The following MYO1D variants were observed in gnomAD, a reference collection of about 807,000 sequenced individuals.
MYO1D encodes the protein myosin ID.
MYO1D carries 83 observed loss-of-function variants against 122.0 expected under a neutral mutation model. The ratio of observed to expected loss-of-function variants is 0.68; its 90% confidence interval spans 0.57 to 0.82. The LOEUF (loss-of-function observed/expected upper bound fraction) is 0.82, where lower values mean the gene tolerates loss of function less well. Ranked by LOEUF, MYO1D falls within the 40% of genes least tolerant of loss-of-function variation. The pLI is 0.00. For missense variants in MYO1D, 1,157 were observed against 1,269.5 expected, an observed-to-expected ratio of 0.91 and a Z score of 1.35; for synonymous variants, 464 against 446.9, an observed-to-expected ratio of 1.04 and a Z score of -0.48.
rs548433252 is a variant in MYO1D, at chr17:32,821,772, T to C, written c.96-40988A>G. Among the ~76,000 whole-genome samples the C allele has an allele frequency of 3.9e-5, 6 of 152,354 alleles. No homozygotes were observed. The East Asian group carries it at 1.2e-3, about 29-fold the overall frequency. On this transcript the variant is annotated intron_variant, in intron 1 of 21. Coordinates refer to ENST00000318217, the MANE Select transcript of MYO1D (RefSeq NM_015194.3). Reference sequence around the variant, plus strand: ...AAAAGTGAAAGAAAGAGACAAAATATGAATGCAGGGATTAGGTTGTGGACA... The same window carrying C: ...AAAAGTGAAAGAAAGAGACAAAATACGAATGCAGGGATTAGGTTGTGGACA...
At chr17:32,728,192 T>C (rs1215681134) in intron 14 of MYO1D, among the ~76,000 whole-genome samples, 1 of 151,882 alleles carries the variant, frequency 6.6e-6, no homozygotes, top group Non-Finnish European at 1.5e-5. Context: ...AATGGACTTG[T>C]ATAGAATATT....
rs1220363455 is a variant in MYO1D, at chr17:32,543,614, AAAAT to A, written c.2865-48703_2865-48700del. Among the ~76,000 whole-genome samples the A allele has an allele frequency of 2.3e-4, 34 of 150,244 alleles. 1 individual carries two copies. The highest frequency in any genetic ancestry group is 8.4e-4 in the South Asian group (4 of 4,776). On this transcript the variant is annotated intron_variant, in intron 21 of 21. Coordinates refer to ENST00000318217, the MANE Select transcript of MYO1D (RefSeq NM_015194.3). Reference sequence around the variant, plus strand: ...AATAAATAAATAAAAAATAAAAATAAAAATAAATAAATAAATAAAATGTGAGGGC... The same window carrying A: ...AATAAATAAATAAAAAATAAAAATAAAAATAAATAAATAAAATGTGAGGGC...
chr17:32,758,070 GA>G (rs1202490593), intron 10 of MYO1D, among the ~76,000 whole-genome samples: 17 of 151,954 alleles, frequency 1.1e-4, no homozygotes, highest in Non-Finnish European at 8.8e-5. Flanking sequence ...ATGGGCTGTG[GA>G]AAAAAACTGA....
intron 1 of MYO1D, among the ~76,000 whole-genome samples, chr17:32,869,771 T>C (rs1223195529): frequency 1.4e-5 from 2 of 144,598 alleles, no homozygotes; most frequent in Middle Eastern, 3.3e-3. Context: ...AGTTCCCAAA[T>C]AAAAAAAAAA....
intron 21 of MYO1D, among the ~76,000 whole-genome samples, chr17:32,601,419 CACG>C (rs1301566629): frequency 2.0e-5 from 3 of 152,158 alleles, no homozygotes; most frequent in Admixed American, 6.5e-5. Flanking sequence ...TCAGAACGCA[CACG>C]ACATTGATCA....
intron 19 of MYO1D, among the ~76,000 whole-genome samples, chr17:32,653,628 A>T (rs73981747): frequency 0.041 from 5,572 of 137,130 alleles, 366 homozygotes; most frequent in African/African-American, 0.13. Context: ...AAAAAAAAAA[A>T]GGTTATCACT....
chr17:32,675,562 AT>A (rs2088795424), intron 16 of MYO1D, among the ~76,000 whole-genome samples: 1 of 152,184 alleles, frequency 6.6e-6, no homozygotes, highest in Non-Finnish European at 1.5e-5. Flanking sequence ...AATATGATTA[AT>A]TTTTCAATCA....
At chr17:32,745,145 C>T in intron 13 of MYO1D, 66 bp downstream of exon 13, 2 of 866,018 alleles carry the variant, frequency 2.3e-6, no homozygotes, top group Non-Finnish European at 1.8e-6. Context: ...TAAATATAAC[C>T]ATGTGCATAT....
intron 13 of MYO1D, among the ~76,000 whole-genome samples, chr17:32,743,331 A>G (rs2089793702): frequency 2.6e-5 from 4 of 152,164 alleles, no homozygotes; most frequent in African/African-American, 9.7e-5. Flanking sequence ...CATAGTTGCA[A>G]TTGCTGATTT....
chr17:32,712,118 T>C lies in MYO1D; in HGVS notation c.1991A>G (p.Glu664Gly). ...TACATCATCCTGAAAACCACACCGTTCAATTAGTTTCTTGACAGCCTCTTT... is the reference window on the plus strand; with the variant it reads ...TACATCATCCTGAAAACCACACCGTCCAATTAGTTTCTTGACAGCCTCTTT... ...SDKEAVKKLI[E>G]RCGFQDDVAY... The change falls in exon 16 of 22, where the codon GAA becomes GGA. Residue 664 changes from glutamate to glycine, a missense_variant. Coordinates refer to ENST00000318217, the MANE Select transcript of MYO1D (RefSeq NM_015194.3). The C allele has an allele frequency of 2.5e-6, 4 of 1,614,144 alleles. No homozygotes were observed. The highest frequency in any genetic ancestry group is 3.4e-6 in the Non-Finnish European group (4 of 1,180,008).
rs1597925825 is a variant in MYO1D at position 32,605,113 on chromosome 17, A to G, written c.2838T>C (p.Val946=). 6.2e-7 allele frequency: 1 copy of G among 1,602,264 alleles called. No homozygotes were observed. The highest frequency in any genetic ancestry group is 1.1e-5 in the South Asian group (1 of 89,770). ...PTHESRIGEL[V]GVLVNHFKSE... Reference sequence around the variant, plus strand: ...TCTTGAAATGATTCACCAGCACTCCAACAAGTTCTCCAATTCGACTCTCAT... The same window carrying G: ...TCTTGAAATGATTCACCAGCACTCCGACAAGTTCTCCAATTCGACTCTCAT... Residue 946 remains valine (V), a synonymous_variant, in exon 21 of 22, where the codon GTT becomes GTC. Transcript: ENST00000318217.
intron 20 of MYO1D, among the ~76,000 whole-genome samples, chr17:32,638,186 C>A (rs573721356): frequency 1.3e-5 from 2 of 151,970 alleles, no homozygotes; most frequent in African/African-American, 4.8e-5. Context: ...GAGATACCCA[C>A]GAAATTTCGT....
Position 32,494,890 on chromosome 17 carries a change from C to T in MYO1D, c.2890G>A (p.Val964Ile), listed in dbSNP as rs573238267. ...AGGCTGCACTGTACTGGGTTGGTGA[C>T]GTTCACTTGAAGGTGGCGCTTCTCA... ...KSEKRHLQVNVTNPVQCSLHG... is the reference protein window; with the variant it reads ...KSEKRHLQVNITNPVQCSLHG... Residue 964 changes from valine to isoleucine, a missense_variant, in exon 22 of 22, where the codon GTC (valine) becomes ATC (isoleucine). Physicochemically the swap from Val to Ile is conservative, Grantham distance 29. Coordinates refer to ENST00000318217, the MANE Select transcript of MYO1D (RefSeq NM_015194.3). 32 of 1,604,794 alleles carry T rather than the reference C, an allele frequency of 2.0e-5. 1 individual carries two copies. Among genetic ancestry groups the T allele is most frequent in the South Asian group, 1.8e-4 (16 of 90,328 alleles).
At chr17:32,671,822 C>T (rs1048475997) in intron 16 of MYO1D, among the ~76,000 whole-genome samples, 2 of 152,074 alleles carry the variant, frequency 1.3e-5, no homozygotes, top group African/African-American at 4.8e-5. Context: ...TGTGCCATGT[C>T]GGGCCATATT....
At chr17:32,855,286 C>T (rs561646189) in intron 1 of MYO1D, among the ~76,000 whole-genome samples, 2 of 152,244 alleles carry the variant, frequency 1.3e-5, no homozygotes, top group South Asian at 2.1e-4. Flanking sequence ...AGACTGTTCC[C>T]GGCACCCCCA....
At chr17:32,722,347 T>C (rs1295004099) in intron 14 of MYO1D, among the ~76,000 whole-genome samples, 1 of 152,194 alleles carries the variant, frequency 6.6e-6, no homozygotes, top group Admixed American at 6.5e-5. Flanking sequence ...AAGTCTGAAA[T>C]AGGTTTAACT....
chr17:32,612,419 G>A (rs1262670720), intron 20 of MYO1D, among the ~76,000 whole-genome samples: 2 of 152,050 alleles, frequency 1.3e-5, no homozygotes, highest in Non-Finnish European at 2.9e-5. Flanking sequence ...AAGAGCAGTT[G>A]CTCAAGCCTC....
rs552174094 is a variant in MYO1D, at chr17:32,755,533, T to C, written c.1426A>G (p.Asn476Asp). 2 of 1,614,028 alleles carry C rather than the reference T, an allele frequency of 1.2e-6. No individual in the cohort carries two copies. Among genetic ancestry groups the C allele is most frequent in the Non-Finnish European group, 1.7e-6 (2 of 1,179,886 alleles). ...TGGGCGTGTTTGCCCAATTTACTGT[T>C]AAGTGCTTCAAGAAACATTTCATCG... ...VTDEMFLEAL[N>D]SKLGKHAHFS... Residue 476 changes from asparagine (N) to aspartate (D), a missense_variant, in exon 11 of 22, where the codon AAC (asparagine) becomes GAC (aspartate). Physicochemically the swap from Asn to Asp is conservative, Grantham distance 23. Transcript: ENST00000318217.
intron 15 of MYO1D, among the ~76,000 whole-genome samples, chr17:32,713,587 A>C (rs900766515): frequency 1.3e-5 from 2 of 152,130 alleles, no homozygotes; most frequent in African/African-American, 4.8e-5. Flanking sequence ...ATTTTTAAAG[A>C]CCCAAAGCAC....
Sources: allele counts gnomAD v4.1 joint callset (sites outside exome capture counted in the v4.1 genomes callset), GRCh38; gene constraint gnomAD v4.1.1; transcripts MANE v1.5; gene names NCBI Gene and HGNC (gene_info 2026-07-23, HGNC 2026-07-21).